KANSL1: variants seen among roughly 807,000 people sequenced by gnomAD.
The protein encoded by KANSL1 is MLL1/MLL complex subunit KANSL1.
Under a neutral mutation model 103.6 loss-of-function variants are expected in KANSL1, and 22 were observed. That is an observed-to-expected ratio of 0.21 (90% CI 0.15 to 0.30). The LOEUF (loss-of-function observed/expected upper bound fraction) is 0.30, where lower values mean the gene tolerates loss of function less well. KANSL1 is among the 10% of genes least tolerant of loss of function. KANSL1 has a pLI of 1.00. For synonymous variants in KANSL1, 600 were observed against 527.6 expected (o/e 1.14, Z -1.88); for missense variants, 1,337 against 1,399.8 (o/e 0.96, Z 0.72).
chr17:46,189,592 G>GA (rs1175827971), intron 1 of KANSL1, among the ~76,000 whole-genome samples: 1 of 152,194 alleles, frequency 6.6e-6, no homozygotes, highest in Non-Finnish European at 1.5e-5. Flanking sequence ...TTTAAAAATT[G>GA]CTTGTCTAGG....
chr17:46,104,083 T>C (rs1434226175), intron 2 of KANSL1, among the ~76,000 whole-genome samples: 5 of 152,206 alleles, frequency 3.3e-5, no homozygotes, highest in Non-Finnish European at 7.3e-5. Flanking sequence ...TCATTTTCTG[T>C]AGGTCAGCTG....
At chr17:46,189,031 C>CAAAAAAAAAAAAAAAAAAAAA (rs57566816) in intron 1 of KANSL1, among the ~76,000 whole-genome samples, 5 of 62,378 alleles carry the variant, frequency 8.0e-5, no homozygotes, top group African/African-American at 2.0e-4. Flanking sequence ...AAGATTGTCT[C>CAAAAAAAAAAAAAAAAAAAAA]AAAAAAAAAA....
chr17:46,120,059 A>AAGG (rs2043213180), intron 2 of KANSL1: 1 of 152,262 alleles, frequency 6.6e-6, no homozygotes, highest in Non-Finnish European at 1.5e-5. Context: ...TCTGAAGAAG[A>AAGG]AGAGAGAGGG....
chr17:46,063,894 C>T (rs938192127), intron 6 of KANSL1, among the ~76,000 whole-genome samples: 1 of 138,066 alleles, frequency 7.2e-6, no homozygotes, highest in Non-Finnish European at 1.6e-5. Context: ...CATGAGGTGG[C>T]GGTTTTTTTT....
chr17:46,201,409 A>C (rs1043629671), intron 1 of KANSL1, among the ~76,000 whole-genome samples: 4 of 152,246 alleles, frequency 2.6e-5, no homozygotes, highest in Non-Finnish European at 5.9e-5. Flanking sequence ...AATATATTAC[A>C]GGTTGACCAT....
rs138070874 is a variant in KANSL1 at position 46,033,163 on chromosome 17, G to A, written c.2754C>T (p.Ala918=). ...TCTCCTCACATTTGGCATGCAGGGC[G>A]GCGAAGGCTGCGTCGGATAGGTCCT... ...EIEDLSDAAF[A]ALHAKCEEME... The change falls in exon 13 of 15, where the codon GCC becomes GCT. Residue 918 remains alanine (A), a synonymous_variant. Transcript: ENST00000432791. 16 of 1,605,080 alleles carry A rather than the reference G, an allele frequency of 1.0e-5. No homozygotes were observed. The highest frequency in any genetic ancestry group is 6.7e-5 in the East Asian group (3 of 44,568).
intron 2 of KANSL1, among the ~76,000 whole-genome samples, chr17:46,145,745 C>G (rs549595332): frequency 2.1e-4 from 32 of 152,188 alleles, no homozygotes; most frequent in Non-Finnish European, 4.3e-4. Context: ...TTGTTTTTTT[C>G]TTGAGAGGAG....
intron 2 of KANSL1, among the ~76,000 whole-genome samples, chr17:46,148,747 A>C (rs2044880863): frequency 6.6e-6 from 1 of 151,626 alleles, no homozygotes; most frequent in African/African-American, 2.4e-5. Context: ...ATGCCTTGCT[A>C]ATTTTTTTTT....
chr17:46,124,095 C>T lies in KANSL1; in HGVS notation c.1290-29394G>A, dbSNP rs1169770061. 3.3e-5 allele frequency among the ~76,000 whole-genome samples: 5 copies of T among 152,144 alleles called. No homozygotes were observed. The East Asian group carries it at 7.7e-4, about 23-fold the overall frequency. The stretch of plus-strand genomic sequence containing the variant: ...CCTTGACCATTCTGAAAATCTAAGG[C>T]CCTTAAGAATTACACTACATCAGCC... On this transcript the variant is annotated intron_variant, in intron 2 of 14. Transcript: ENST00000432791.
chr17:46,053,056 G>A (rs542230985), intron 6 of KANSL1, among the ~76,000 whole-genome samples: 5 of 149,628 alleles, frequency 3.3e-5, no homozygotes, highest in African/African-American at 1.2e-4. Flanking sequence ...GGGAGGCCAA[G>A]GTGGGTGGAT....
At chr17:46,120,407 C>G (rs1417221056) in intron 2 of KANSL1, among the ~76,000 whole-genome samples, 1 of 147,090 alleles carries the variant, frequency 6.8e-6, no homozygotes, top group East Asian at 1.9e-4. Context: ...TAAGTAAAAG[C>G]AGCAATTTTC....
chr17:46,042,187 G>T (rs2077350521), intron 7 of KANSL1: 1 of 152,382 alleles, frequency 6.6e-6, no homozygotes, highest in Non-Finnish European at 1.5e-5. Flanking sequence ...TTACAGGCGT[G>T]AGCCACTGCA....
At chr17:46,168,916 T>C (rs1272765428) in intron 2 of KANSL1, among the ~76,000 whole-genome samples, 1 of 152,242 alleles carries the variant, frequency 6.6e-6, no homozygotes, top group Non-Finnish European at 1.5e-5. Flanking sequence ...TTCCAAGTCA[T>C]TAAACTATCC....
At chr17:46,185,545 CT>C (rs1235564542) in intron 1 of KANSL1, among the ~76,000 whole-genome samples, 1 of 152,052 alleles carries the variant, frequency 6.6e-6, no homozygotes, top group African/African-American at 2.4e-5. Context: ...CAGAAATATT[CT>C]CATAGGTACT....
intron 1 of KANSL1, among the ~76,000 whole-genome samples, chr17:46,213,313 T>A (rs1295038750): frequency 6.6e-6 from 1 of 152,058 alleles, no homozygotes; most frequent in Non-Finnish European, 1.5e-5. Flanking sequence ...GTTGTTGTTG[T>A]TTTTTGAGAC....
At chr17:46,068,310 C>A (rs1016860716) in intron 4 of KANSL1, among the ~76,000 whole-genome samples, 23 of 151,718 alleles carry the variant, frequency 1.5e-4, no homozygotes, top group Admixed American at 3.3e-4. Flanking sequence ...ATGACTGTAA[C>A]CCCAGTATTT....
intron 2 of KANSL1, among the ~76,000 whole-genome samples, chr17:46,116,614 G>A (rs2043059497): frequency 6.6e-6 from 1 of 152,194 alleles, no homozygotes; most frequent in African/African-American, 2.4e-5. Context: ...AAGTAGATCA[G>A]GAAGGAATAA....
chr17:46,201,353 C>T (rs191243365), intron 1 of KANSL1, among the ~76,000 whole-genome samples: 365 of 152,234 alleles, frequency 2.4e-3, no homozygotes, highest in Non-Finnish European at 3.5e-3. Context: ...TCAATTTAAT[C>T]AAGGATTATA....
intron 2 of KANSL1, among the ~76,000 whole-genome samples, chr17:46,154,987 C>A (rs138556170): frequency 6.6e-6 from 1 of 152,154 alleles, no homozygotes; most frequent in East Asian, 1.9e-4. Context: ...AGTTTCCTTA[C>A]CATAAAACAG....
Sources: gnomAD v4.1 joint callset for allele counts (sites outside exome capture counted in the v4.1 genomes callset) on GRCh38, gnomAD v4.1.1 for gene constraint, MANE v1.5 for transcripts, NCBI Gene and HGNC (gene_info 2026-07-23, HGNC 2026-07-21) for gene names.